The following RPS6KA2 variants were observed in gnomAD, a reference collection of about 807,000 sequenced individuals.
RPS6KA2 encodes the protein ribosomal protein S6 kinase A2, also known as ribosomal protein S6 kinase alpha-2.
Under a neutral mutation model 91.8 loss-of-function variants are expected in RPS6KA2, and 42 were observed. The ratio of observed to expected loss-of-function variants is 0.46; its 90% CI spans 0.36 to 0.59. RPS6KA2 has a LOEUF of 0.59. Among genes scored for constraint, RPS6KA2 ranks in the 20% least tolerant of loss-of-function variants. The pLI is 0.00. For missense variants in RPS6KA2, 798 were observed against 978.5 expected, an observed-to-expected ratio of 0.82 and a Z score of 2.46; for synonymous variants, 414 against 393.6, an observed-to-expected ratio of 1.05 and a Z score of -0.61.
chr6:166,723,428 A>T (rs2128585650), intron 2 of RPS6KA2, among the ~76,000 whole-genome samples: 1 of 152,194 alleles, frequency 6.6e-6, no homozygotes, highest in East Asian at 1.9e-4. Flanking sequence ...ACACGTGTGC[A>T]CTACCTTCTT....
chr6:166,488,723 C>CA, intron 10 of RPS6KA2, 110 bp downstream of exon 10: 1 of 759,882 alleles, frequency 1.3e-6, no homozygotes, highest in Non-Finnish European at 2.2e-6. Flanking sequence ...TTTTCAGTGA[C>CA]CTTGGTTGGC....
chr6:166,439,122 T>TA (rs1265890114), intron 14 of RPS6KA2, among the ~76,000 whole-genome samples: 2 of 152,004 alleles, frequency 1.3e-5, no homozygotes, highest in East Asian at 1.9e-4. Flanking sequence ...ATTAATTAAT[T>TA]ATTTGAGATG....
At chr6:166,848,601 T>G (rs957499003) in intron 2 of RPS6KA2, among the ~76,000 whole-genome samples, 5 of 152,226 alleles carry the variant, frequency 3.3e-5, no homozygotes, top group African/African-American at 4.8e-5. Flanking sequence ...TGGCATTCAC[T>G]GCAACCTGGA....
At chr6:166,692,533 A>C (rs1457176766) in intron 2 of RPS6KA2, among the ~76,000 whole-genome samples, 1 of 152,216 alleles carries the variant, frequency 6.6e-6, no homozygotes, top group Admixed American at 6.5e-5. Flanking sequence ...ACATAGGAAC[A>C]AAGTAGAATA....
At chr6:166,840,917 C>T (rs1036176117) in intron 2 of RPS6KA2, among the ~76,000 whole-genome samples, 2 of 151,642 alleles carry the variant, frequency 1.3e-5, no homozygotes, top group Non-Finnish European at 2.9e-5. Context: ...GAGCTGAGAT[C>T]GTGCCATTAC....
At chr6:166,415,340 CTG>C (rs140925343) in intron 19 of RPS6KA2, among the ~76,000 whole-genome samples, 125 of 152,274 alleles carry the variant, frequency 8.2e-4, no homozygotes, top group African/African-American at 2.9e-3. Flanking sequence ...AGTCATGACA[CTG>C]AGAGAAGCAG....
intron 2 of RPS6KA2, among the ~76,000 whole-genome samples, chr6:166,780,784 A>T (rs964745386): frequency 6.6e-6 from 1 of 152,108 alleles, no homozygotes; most frequent in African/African-American, 2.4e-5. Flanking sequence ...TCAAACTAAG[A>T]CTCAGGGCAA....
Position 166,517,468 on chromosome 6 carries a change from T to G in RPS6KA2, c.299-7111A>C, listed in dbSNP as rs76333822. 5.9e-4 allele frequency among the ~76,000 whole-genome samples: 35 copies of G among 59,068 alleles called. 1 individual carries two copies. Among genetic ancestry groups the G allele is most frequent in the African/African-American group, 1.5e-3 (32 of 21,474 alleles). 38.8% of individuals were successfully genotyped at this position (59,068 alleles called of 152,430 possible). On this transcript the variant is annotated intron_variant, in intron 3 of 20. Coordinates refer to ENST00000265678, the MANE Select transcript of RPS6KA2 (RefSeq NM_021135.6). Reference sequence around the variant, plus strand: ...TTCTTTTGTTTTGTTTTTTTTTTTTTTTTTTTTTTTTTTTTTTTGAGACGG... The same window carrying G: ...TTCTTTTGTTTTGTTTTTTTTTTTTGTTTTTTTTTTTTTTTTTTGAGACGG...
At position 166,626,873 on chromosome 6, in the gene RPS6KA2, GCCCGCTCAGTGCCCGGCAC is replaced by G; in HGVS notation, c.99+29_99+47del. The G allele has an allele frequency of 7.1e-7, 1 of 1,399,796 alleles. No individual in the cohort carries two copies. The highest frequency in any genetic ancestry group is 9.4e-7 in the Non-Finnish European group (1 of 1,063,936). 86.7% of individuals were successfully genotyped at this position (1,399,796 alleles called of 1,614,324 possible). Reference sequence around the variant, plus strand: ...GGCGAGGCGGGCTCGGGCGACCACGGCCCGCTCAGTGCCCGGCACCTGCGCGCCCCGAGGGCGGCCGCAT... The same window carrying G: ...GGCGAGGCGGGCTCGGGCGACCACGGCTGCGCGCCCCGAGGGCGGCCGCAT... On this transcript the variant is annotated intron_variant, in intron 1 of 20. Transcript: ENST00000265678. The surrounding 1 kb of genome is among the most constrained non-coding windows in gnomAD (Gnocchi z 4.1).
chr6:166,589,112 A>C (rs1372406595), intron 1 of RPS6KA2, among the ~76,000 whole-genome samples: 2 of 152,178 alleles, frequency 1.3e-5, no homozygotes, highest in Non-Finnish European at 2.9e-5. Context: ...GTCTTTTATA[A>C]AAGAGCCCCA....
intron 2 of RPS6KA2, among the ~76,000 whole-genome samples, chr6:166,756,521 A>AT (rs1246458030): frequency 6.6e-6 from 1 of 152,220 alleles, no homozygotes; most frequent in Non-Finnish European, 1.5e-5. Flanking sequence ...ATTACATATG[A>AT]TTATAAACAC....
rs765562681 is a variant in RPS6KA2, at chr6:166,412,840, G to A, written c.2124C>T (p.Ala708=). The part of the protein sequence containing the change: ...TYFALNRTPQ[A]PRLEPVLSSN... ...ATGACAGCACGGGCTCCAGCCGCGG[G>A]GCCTGAGGTGTTCTGTTTAGAGCAA... The change falls in exon 21 of 21, where the codon GCC becomes GCT. Residue 708 remains alanine (A), a synonymous_variant. Coordinates refer to ENST00000265678, the MANE Select transcript of RPS6KA2 (RefSeq NM_021135.6). The surrounding 1 kb of genome is among the most constrained non-coding windows in gnomAD (Gnocchi z 4.3). 7.0e-6 allele frequency: 11 copies of A among 1,571,606 alleles called. No homozygotes were observed. The Admixed American group carries it at 2.1e-4, about 30-fold the overall frequency.
intron 2 of RPS6KA2, among the ~76,000 whole-genome samples, chr6:166,633,245 C>G (rs2128546633): frequency 6.6e-6 from 1 of 152,264 alleles, no homozygotes; most frequent in East Asian, 1.9e-4. Flanking sequence ...CAAAAAACAA[C>G]CTCAGAGGAG....
upstream of RPS6KA2, among the ~76,000 whole-genome samples, chr6:166,632,045 A>G (rs1787095889): frequency 6.6e-6 from 1 of 152,122 alleles, no homozygotes; most frequent in African/African-American, 2.4e-5. Context: ...AACCTCCAGG[A>G]CCTGTCTGCC....
intron 2 of RPS6KA2, among the ~76,000 whole-genome samples, chr6:166,746,212 A>C (rs1277533998): frequency 2.0e-5 from 3 of 152,178 alleles, no homozygotes; most frequent in African/African-American, 4.8e-5. Flanking sequence ...AGGCCATGTG[A>C]TAAGAACAAC....
chr6:166,537,627 G>C (rs1247558167), intron 2 of RPS6KA2, among the ~76,000 whole-genome samples: 1 of 151,998 alleles, frequency 6.6e-6, no homozygotes, highest in Non-Finnish European at 1.5e-5. Context: ...CGGACTGTAG[G>C]ATTATCCAGA....
At chr6:166,796,614 A>T (rs1006105397) in intron 2 of RPS6KA2, among the ~76,000 whole-genome samples, 2 of 152,104 alleles carry the variant, frequency 1.3e-5, no homozygotes, top group African/African-American at 4.8e-5. Context: ...CAACAAACTC[A>T]TTTGTCTTTC....
intron 1 of RPS6KA2, among the ~76,000 whole-genome samples, chr6:166,596,076 T>C (rs572231769): frequency 6.6e-6 from 1 of 152,346 alleles, no homozygotes; most frequent in South Asian, 2.1e-4. Context: ...AATATGTGAC[T>C]TGCACTGTGA....
At chr6:166,779,891 A>G (rs6900604) in intron 2 of RPS6KA2, among the ~76,000 whole-genome samples, 32,745 of 152,086 alleles carry the variant, frequency 0.22, 4,340 homozygotes, top group African/African-American at 0.37. Flanking sequence ...GCTAGAGACA[A>G]CCAATGCTCT....
Sources: allele counts gnomAD v4.1 joint callset (sites outside exome capture counted in the v4.1 genomes callset), GRCh38; gene constraint gnomAD v4.1.1; non-coding constraint Gnocchi (gnomAD v3.1); transcripts MANE v1.5; gene names NCBI Gene and HGNC (gene_info 2026-07-23, HGNC 2026-07-21).